Variants in PCYT1B observed in about 807,000 individuals in gnomAD.
PCYT1B encodes choline-phosphate cytidylyltransferase B.
Under a neutral mutation model 26.4 loss-of-function variants are expected in PCYT1B, and 10 were observed. That is an observed-to-expected ratio of 0.38 (90% CI 0.23 to 0.64). The LOEUF is 0.64. PCYT1B is among the 30% of genes least tolerant of loss of function. PCYT1B has a pLI of 0.56. For synonymous variants in PCYT1B, 131 were observed against 108.4 expected (o/e 1.21, Z -1.29); for missense variants, 161 against 292.7 (o/e 0.55, Z 3.28).
At chrX:24,595,145 C>T (rs1027864925) in intron 3 of PCYT1B, among the ~76,000 whole-genome samples, 4 of 108,760 alleles carry the variant, frequency 3.7e-5, no homozygotes, top group Admixed American at 1.0e-4. Flanking sequence ...TATGAGGGCC[C>T]CGTGGTACAG....
chrX:24,607,699 A>G (rs1161921533), intron 3 of PCYT1B, 46 bp downstream of exon 3: 2 of 683,470 alleles, frequency 2.9e-6, no homozygotes, highest in African/African-American at 4.4e-5. Flanking sequence ...TTCAGAAAGC[A>G]TACAATAAAA....
intron 1 of PCYT1B, among the ~76,000 whole-genome samples, chrX:24,655,651 C>T (rs1020725270): frequency 1.8e-5 from 2 of 110,954 alleles, no homozygotes; most frequent in South Asian, 3.9e-4. Flanking sequence ...GGCGTGGTGG[C>T]GGACATCTGT....
At chrX:24,649,985 C>T (rs1926730261), upstream of PCYT1B, 1 of 112,240 alleles carries the variant, frequency 8.9e-6, no homozygotes, top group African/African-American at 3.2e-5. Context: ...TGCTCCTCTC[C>T]CCACAGTCCT....
At position 24,590,894 on chromosome X, in the gene PCYT1B, C is replaced by T. The variant is rs111689916; in HGVS notation, c.335-720G>A. Among the ~76,000 whole-genome samples the T allele has an allele frequency of 8.4e-5, 9 of 106,510 alleles. 1 individual carries two copies. The South Asian group carries it at 2.6e-3, about 31-fold the overall frequency. The allele number at this position is 106,510 out of a possible 115,157, so 92.5% of individuals were successfully genotyped here. ...CTGCAAGCTTCGCCTCCCGGGTTCA[C>T]GCCATTCTCCTGCCTCAGCCTCCTG... is the stretch of plus-strand genomic sequence containing the variant. On this transcript the variant is annotated intron_variant, in intron 3 of 7. Coordinates refer to ENST00000379144, the MANE Select transcript of PCYT1B (RefSeq NM_004845.5).
intron 3 of PCYT1B, among the ~76,000 whole-genome samples, chrX:24,603,723 C>CA (rs1228887830): frequency 2.9e-3 from 289 of 99,021 alleles, no homozygotes; most frequent in Middle Eastern, 0.01. Context: ...ACCCTATCTC[C>CA]AAAAAAAAAA....
At chrX:24,582,289 C>A (rs1924232614) in intron 5 of PCYT1B, among the ~76,000 whole-genome samples, 1 of 112,270 alleles carries the variant, frequency 8.9e-6, no homozygotes, top group Non-Finnish European at 1.9e-5. Context: ...ACATTGATGC[C>A]ATGAGCTTAC....
Position 24,562,079 on chromosome X carries a change from G to A in PCYT1B, c.*214C>T, listed in dbSNP as rs1200655057. ...CTAGACGCTAAGGTTTGTGTAGGTT[G>A]TCCAGCTAGAAGTCTCTGCACCTCG... On this transcript the variant is annotated 3_prime_UTR_variant, in exon 8 of 8. Coordinates refer to ENST00000379144, the MANE Select transcript of PCYT1B (RefSeq NM_004845.5). 3 of 1,206,707 alleles carry A rather than the reference G, an allele frequency of 2.5e-6. No individual in the cohort carries two copies. Among genetic ancestry groups the A allele is most frequent in the East Asian group, 5.9e-5 (2 of 33,750 alleles).
rs145593771 is a variant in PCYT1B, at chrX:24,605,317, A to G, written c.334+2428T>C. ...TCTTGACTGGTGAGAATCCTGCACA[A>G]GGAAGACTGGATGTTCTGGCTTTTG... On this transcript the variant is annotated intron_variant, in intron 3 of 7. Transcript: ENST00000379144. Among the ~76,000 whole-genome samples, 967 of 111,497 alleles carry G rather than the reference A, an allele frequency of 8.7e-3. 7 individuals are homozygous for G. The highest frequency in any genetic ancestry group is 0.013 in the Non-Finnish European group (694 of 53,106).
At chrX:24,596,570 C>A (rs954370673) in intron 3 of PCYT1B, among the ~76,000 whole-genome samples, 2 of 97,796 alleles carry the variant, frequency 2.0e-5, no homozygotes, top group Non-Finnish European at 4.1e-5. Flanking sequence ...CCAGCCTGGG[C>A]AACAGAGTGA....
rs779316769 is a variant in PCYT1B, at chrX:24,637,509, T to TATATATAAATAA, written c.117+9479_117+9480insTTATTTATATAT. Among the ~76,000 whole-genome samples, 25 of 64,068 alleles carry TATATATAAATAA rather than the reference T, an allele frequency of 3.9e-4. 1 individual carries two copies. Among genetic ancestry groups the TATATATAAATAA allele is most frequent in the African/African-American group, 2.5e-3 (25 of 10,141 alleles). The allele number at this position is 64,068 out of a possible 115,157, so 55.6% of individuals were successfully genotyped here. On this transcript the variant is annotated intron_variant, in intron 1 of 7. Coordinates refer to ENST00000379144, the MANE Select transcript of PCYT1B (RefSeq NM_004845.5). ...AAAAAAAAATATATATATATATATA[T>TATATATAAATAA]ATAAATTAGCTGAGCGTGGTGGCGT...
At chrX:24,634,755 A>AAAC (rs201350770) in intron 1 of PCYT1B, among the ~76,000 whole-genome samples, 49,122 of 107,685 alleles carry the variant, frequency 0.46, 8,893 homozygotes, top group Non-Finnish European at 0.54. Flanking sequence ...AAAAACAAAC[A>AAAC]AACAACAACA....
intron 1 of PCYT1B, among the ~76,000 whole-genome samples, chrX:24,623,364 C>CATAT (rs57642734): frequency 0.031 from 2,424 of 79,366 alleles, 63 homozygotes; most frequent in Non-Finnish European, 0.043. Flanking sequence ...ATGAGATTTA[C>CATAT]ATATATATAT....
At chrX:24,665,594 T>C (rs1457568168) in intron 1 of PCYT1B, among the ~76,000 whole-genome samples, 1 of 111,171 alleles carries the variant, frequency 9.0e-6, no homozygotes, top group Non-Finnish European at 1.9e-5. Context: ...CCTGGCCCCA[T>C]TTTATTTTTC....
chrX:24,592,671 C>G (rs1924608177), intron 3 of PCYT1B, among the ~76,000 whole-genome samples: 1 of 111,430 alleles, frequency 9.0e-6, no homozygotes, highest in Admixed American at 9.6e-5. Flanking sequence ...CAGAACCCTT[C>G]CTGTCTCATT....
At position 24,589,872 on chromosome X, in the gene PCYT1B, C is replaced by T. The variant is rs746143780; in HGVS notation, c.486+151G>A. The T allele has an allele frequency of 2.0e-4, 91 of 454,452 alleles. No individual in the cohort carries two copies. In the South Asian group the frequency reaches 3.7e-3, roughly 18 times the overall value. 37.5% of individuals were successfully genotyped at this position (454,452 alleles called of 1,213,427 possible). ...ATACCAGTCCTCGGGCTTGGGCGGA[C>T]GAAAGGTGCCACATCAAGCAGTTCC... On this transcript the variant is annotated intron_variant, in intron 4 of 7. Transcript: ENST00000379144.
intron 1 of PCYT1B, among the ~76,000 whole-genome samples, chrX:24,656,665 T>TC (rs745728426): frequency 1.1e-3 from 119 of 105,400 alleles, no homozygotes; most frequent in Middle Eastern, 4.7e-3. Context: ...AAGCAGTTCT[T>TC]CTGCCTCAGC....
In PCYT1B at chrX:24,597,789, C is replaced by A. The variant is rs1339762298; in HGVS notation, c.335-7615G>T. Among the ~76,000 whole-genome samples, 3 of 111,864 alleles carry A rather than the reference C, an allele frequency of 2.7e-5. No individual in the cohort carries two copies. In the East Asian group the frequency reaches 8.4e-4, roughly 31 times the overall value. ...AGTGGAGAATAATGCAAATTTTTGC[C>A]CAACAACTTTGCCTCTTCTCCCAAC... On this transcript the variant is annotated intron_variant, in intron 3 of 7. Transcript: ENST00000379144.
At chrX:24,633,707 GTT>G (rs1214605740) in intron 1 of PCYT1B, among the ~76,000 whole-genome samples, 1 of 110,974 alleles carries the variant, frequency 9.0e-6, no homozygotes, top group East Asian at 2.8e-4. Flanking sequence ...TTAAAAAGAA[GTT>G]TGGTGATGTT....
intron 2 of PCYT1B, among the ~76,000 whole-genome samples, chrX:24,610,522 T>G (rs1925276519): frequency 8.9e-6 from 1 of 112,136 alleles, no homozygotes; most frequent in Non-Finnish European, 1.9e-5. Flanking sequence ...GAGGAAAATT[T>G]GTTTTAAGAT....
Sources: allele counts gnomAD v4.1 joint callset (sites outside exome capture counted in the v4.1 genomes callset), GRCh38; gene constraint gnomAD v4.1.1; transcripts MANE v1.5; gene names NCBI Gene and HGNC (gene_info 2026-07-23, HGNC 2026-07-21).